ADAMTS19: variants seen among roughly 807,000 people sequenced by gnomAD.
ADAMTS19 encodes A disintegrin and metalloproteinase with thrombospondin motifs 19.
Under a neutral mutation model 153.3 loss-of-function variants are expected in ADAMTS19, and 93 were observed. The observed-to-expected ratio is 0.61, with a 90% CI of 0.51 to 0.72. ADAMTS19 has a LOEUF of 0.72. ADAMTS19 is among the 30% of genes least tolerant of loss of function. ADAMTS19 has a pLI of 0.00. For synonymous variants in ADAMTS19, 600 were observed against 556.6 expected (o/e 1.08, Z -1.10); for missense variants, 1,482 against 1,552.1 (o/e 0.95, Z 0.76).
At position 129,592,926 on chromosome 5, in the gene ADAMTS19, C is replaced by A. The variant is rs578240999; in HGVS notation, c.1373-3633C>A. ...AATCATACCTCTATGTAAGTATGCACTCATCGTTTTTGAATATTTTATATT... is the reference window on the plus strand; with the variant it reads ...AATCATACCTCTATGTAAGTATGCAATCATCGTTTTTGAATATTTTATATT... On this transcript the variant is annotated intron_variant, in intron 7 of 22. Transcript: ENST00000274487. Among the ~76,000 whole-genome samples, 8 of 152,212 alleles carry A rather than the reference C, an allele frequency of 5.3e-5. No individual in the cohort carries two copies. In the East Asian group the frequency reaches 1.5e-3, roughly 29 times the overall value.
intron 2 of ADAMTS19, among the ~76,000 whole-genome samples, chr5:129,472,516 A>T (rs1376207751): frequency 6.6e-6 from 1 of 152,200 alleles, no homozygotes; most frequent in Non-Finnish European, 1.5e-5. Context: ...GATTCTATGG[A>T]TTTAAAATTA....
At chr5:129,696,949 C>G (rs1193305721) in intron 19 of ADAMTS19, among the ~76,000 whole-genome samples, 1 of 152,112 alleles carries the variant, frequency 6.6e-6, no homozygotes, top group African/African-American at 2.4e-5. Context: ...GTGCTGGACT[C>G]TCAGCCAATC....
chr5:129,499,684 A>G (rs1751036985), intron 2 of ADAMTS19, among the ~76,000 whole-genome samples: 1 of 152,154 alleles, frequency 6.6e-6, no homozygotes. Context: ...GCACACCATG[A>G]TAAAATTTGT....
intron 1 of ADAMTS19, chr5:129,460,771 T>C (rs72789075): frequency 3.6e-6 from 2 of 554,464 alleles, no homozygotes; most frequent in Non-Finnish European, 6.4e-6. Flanking sequence ...CCTAAGTTGA[T>C]AGCAACGCTC....
chr5:129,593,152 G>A (rs1484495392), intron 7 of ADAMTS19, among the ~76,000 whole-genome samples: 1 of 151,970 alleles, frequency 6.6e-6, no homozygotes, highest in African/African-American at 2.4e-5. Flanking sequence ...TTGTATACTT[G>A]TCACATTCCT....
chr5:129,527,815 T>C lies in ADAMTS19; in HGVS notation c.1154T>C (p.Leu385Pro). The change falls in exon 5 of 23, where the codon CTG becomes CCG. Residue 385 changes from leucine (L) to proline (P), a missense_variant. Coordinates refer to ENST00000274487, the MANE Select transcript of ADAMTS19 (RefSeq NM_133638.6). ...QVNLRVIKLI[L>P]LHETPPELYI... ...AATCTTCGTGTGATAAAGCTTATTCTGCTCCATGAAACTCCAGTAAGAAAG... is the reference window on the plus strand; with the variant it reads ...AATCTTCGTGTGATAAAGCTTATTCCGCTCCATGAAACTCCAGTAAGAAAG... 6.3e-7 allele frequency: 1 copy of C among 1,594,734 alleles called. No homozygotes were observed. The highest frequency in any genetic ancestry group is 8.6e-7 in the Non-Finnish European group (1 of 1,166,992).
rs1225728404 is a variant in ADAMTS19 at position 129,579,398 on chromosome 5, C to T, written c.1373-17161C>T. 1.3e-5 allele frequency among the ~76,000 whole-genome samples: 2 copies of T among 152,186 alleles called. 1 individual carries two copies. Among genetic ancestry groups the T allele is most frequent in the Admixed American group, 1.3e-4 (2 of 15,284 alleles). ...TCCCATTCTTTAGGTTGCCTGTTCA[C>T]TCTGATGGTAGTTTCTTTTGCTGTG... On this transcript the variant is annotated intron_variant, in intron 7 of 22. Transcript: ENST00000274487.
chr5:129,473,582 A>G (rs1336536168), intron 2 of ADAMTS19, among the ~76,000 whole-genome samples: 2 of 152,078 alleles, frequency 1.3e-5, no homozygotes, highest in Non-Finnish European at 2.9e-5. Context: ...AGGTTGAGTA[A>G]CTCATTGTGA....
chr5:129,720,726 A>G (rs546206836), intron 21 of ADAMTS19, among the ~76,000 whole-genome samples: 4 of 152,344 alleles, frequency 2.6e-5, no homozygotes. Context: ...GTCAATGGAA[A>G]GAATGAGTGT....
At chr5:129,704,722 G>A (rs1756066211) in intron 21 of ADAMTS19, among the ~76,000 whole-genome samples, 1 of 152,010 alleles carries the variant, frequency 6.6e-6, no homozygotes, top group African/African-American at 2.4e-5. Flanking sequence ...ATAGAATACT[G>A]TCAGACAAGT....
intron 10 of ADAMTS19, among the ~76,000 whole-genome samples, chr5:129,637,572 C>T (rs375976495): frequency 1.1e-4 from 17 of 152,046 alleles, no homozygotes; most frequent in African/African-American, 3.9e-4. Context: ...ATGCCAGGCG[C>T]GGTGGCTCAC....
At chr5:129,480,788 C>T (rs1430545226) in intron 2 of ADAMTS19, among the ~76,000 whole-genome samples, 2 of 152,034 alleles carry the variant, frequency 1.3e-5, no homozygotes, top group Non-Finnish European at 2.9e-5. Context: ...TACTACTCAG[C>T]AAAAATACTC....
chr5:129,478,316 G>T (rs1750292793), intron 2 of ADAMTS19, among the ~76,000 whole-genome samples: 1 of 152,020 alleles, frequency 6.6e-6, no homozygotes, highest in Non-Finnish European at 1.5e-5. Context: ...GCACAAATCT[G>T]GTTTGCACAT....
chr5:129,487,055 A>C (rs1750622385), intron 2 of ADAMTS19, among the ~76,000 whole-genome samples: 1 of 152,186 alleles, frequency 6.6e-6, no homozygotes, highest in Non-Finnish European at 1.5e-5. Context: ...TCTACATGTG[A>C]AATTTGAATG....
chr5:129,641,634 A>C, intron 10 of ADAMTS19, among the ~76,000 whole-genome samples: 1 of 152,160 alleles, frequency 6.6e-6, no homozygotes, highest in Non-Finnish European at 1.5e-5. Flanking sequence ...TAAAAGATTT[A>C]ACTTTATGAA....
intron 8 of ADAMTS19, among the ~76,000 whole-genome samples, chr5:129,613,267 T>C (rs1035704878): frequency 2.0e-5 from 3 of 152,104 alleles, no homozygotes; most frequent in Non-Finnish European, 2.9e-5. Context: ...TATGCCAAAA[T>C]TGACCACATA....
rs562686377 is a variant in ADAMTS19 at position 129,623,861 on chromosome 5, C to T, written c.1770+1513C>T. On this transcript the variant is annotated intron_variant, in intron 10 of 22. Transcript: ENST00000274487. The stretch of plus-strand genomic sequence containing the variant: ...ATGGACCAGGCGAGGTGGCTCACAC[C>T]TGTAATCCCAGCACTTTGGGAGGCC... Among the ~76,000 whole-genome samples, 43 of 151,738 alleles carry T rather than the reference C, an allele frequency of 2.8e-4. No individual in the cohort carries two copies. In the South Asian group the frequency reaches 4.8e-3, roughly 17 times the overall value.
intron 3 of ADAMTS19, among the ~76,000 whole-genome samples, chr5:129,515,657 C>T (rs1289078341): frequency 6.6e-6 from 1 of 151,900 alleles, no homozygotes; most frequent in African/African-American, 2.4e-5. Flanking sequence ...TGCAACTTTA[C>T]TGAATTTATC....
chr5:129,603,268 GA>G (rs1287735523), intron 8 of ADAMTS19, among the ~76,000 whole-genome samples: 1 of 152,160 alleles, frequency 6.6e-6, no homozygotes, highest in East Asian at 1.9e-4. Flanking sequence ...TGAGTTGCCA[GA>G]AAGCCATTAT....
Sources: gnomAD v4.1 joint callset for allele counts (sites outside exome capture counted in the v4.1 genomes callset) on GRCh38, gnomAD v4.1.1 for gene constraint, MANE v1.5 for transcripts, NCBI Gene and HGNC (gene_info 2026-07-23, HGNC 2026-07-21) for gene names.